FFAR4: variants seen among roughly 807,000 people sequenced by gnomAD.
FFAR4 encodes the protein free fatty acid receptor 4.
FFAR4 carries 19 observed loss-of-function variants against 27.0 expected under a neutral mutation model. The observed-to-expected ratio is 0.70, with a 90% CI of 0.49 to 1.03. The LOEUF is 1.03. Ranked by LOEUF, FFAR4 falls within the 50% of genes least tolerant of loss-of-function variation. The pLI is 0.00. For missense variants in FFAR4, 476 were observed against 479.0 expected, an observed-to-expected ratio of 0.99 and a Z score of 0.06; for synonymous variants, 254 against 215.6, an observed-to-expected ratio of 1.18 and a Z score of -1.56.
chr10:93,575,960 G>T (rs1315391993), intron 1 of FFAR4, 131 bp from the exon 2 acceptor site: 1 of 826,500 alleles, frequency 1.2e-6, no homozygotes. Context: ...GGATTCTGGG[G>T]TTCACTGTCA....
chr10:93,589,056 T>G lies in FFAR4; in HGVS notation c.*1447T>G, dbSNP rs916768366. 6 of 152,268 alleles carry G rather than the reference T, an allele frequency of 3.9e-5. No individual in the cohort carries two copies. Among genetic ancestry groups the G allele is most frequent in the Admixed American group, 2.0e-4 (3 of 15,278 alleles). The allele number at this position is 152,268 out of a possible 1,614,324, so 9.4% of individuals were successfully genotyped here. On this transcript the variant is annotated 3_prime_UTR_variant, in exon 3 of 3. Coordinates refer to ENST00000371481, the MANE Select transcript of FFAR4 (RefSeq NM_001195755.2). ...GGAAGGGACACAGAAGAGATGTTAGTGCAAGGAGGCTGACACGCTTGAAGG... is the reference window on the plus strand; with the variant it reads ...GGAAGGGACACAGAAGAGATGTTAGGGCAAGGAGGCTGACACGCTTGAAGG...
chr10:93,576,678 C>T (rs986782217), intron 2 of FFAR4, among the ~76,000 whole-genome samples: 1 of 152,112 alleles, frequency 6.6e-6, no homozygotes, highest in African/African-American at 2.4e-5. Context: ...AGATAATACT[C>T]TCTGCTCTGT....
At position 93,567,294 on chromosome 10, in the gene FFAR4, G is replaced by A. The variant is rs573284989; in HGVS notation, c.567+7G>A. 51 of 1,596,124 alleles carry A rather than the reference G, an allele frequency of 3.2e-5. No individual in the cohort carries two copies. Among genetic ancestry groups the A allele is most frequent in the African/African-American group, 4.0e-5 (3 of 74,828 alleles). ...GCTCCCCGGCGCCGACCAGGTGAGC[G>A]CCCCTCTGTGTGTGCCGGGCAGGTG... On this transcript the variant is annotated splice_region_variant and intron_variant, in intron 1 of 2. Coordinates refer to ENST00000371481, the MANE Select transcript of FFAR4 (RefSeq NM_001195755.2).
At chr10:93,577,121 T>A (rs74150270) in intron 2 of FFAR4, among the ~76,000 whole-genome samples, 3,302 of 152,292 alleles carry the variant, frequency 0.022, 124 homozygotes, top group African/African-American at 0.076. Context: ...TCAGCCTGTT[T>A]TATATCTCGT....
At chr10:93,585,417 C>T (rs973432917) in intron 2 of FFAR4, among the ~76,000 whole-genome samples, 4 of 152,244 alleles carry the variant, frequency 2.6e-5, no homozygotes, top group Non-Finnish European at 5.9e-5. Context: ...ACCAGCAGTG[C>T]TCTGACAAGC....
chr10:93,576,843 C>T (rs902152693), intron 2 of FFAR4, among the ~76,000 whole-genome samples: 2 of 152,126 alleles, frequency 1.3e-5, no homozygotes, highest in African/African-American at 4.8e-5. Flanking sequence ...CACTGCAGTA[C>T]TGGAGAATGT....
rs1412784684 is a variant in FFAR4 at position 93,587,401 on chromosome 10, A to G, written c.878A>G (p.Lys293Arg). The change falls in exon 3 of 3, where the codon AAG becomes AGG. Residue 293 changes from lysine to arginine, a missense_variant. Physicochemically the swap from Lys to Arg is conservative, Grantham distance 26 (BLOSUM62 2). Coordinates refer to ENST00000371481, the MANE Select transcript of FFAR4 (RefSeq NM_001195755.2). Reference protein sequence around the residue: ...TILLILIQNFKQDLVIWPSLF... With the variant: ...TILLILIQNFRQDLVIWPSLF... ...CTCCTCATCCTGATCCAGAACTTCA[A>G]GCAAGACCTGGTCATCTGGCCGTCC... is the stretch of plus-strand genomic sequence containing the variant. 2 of 1,613,698 alleles carry G rather than the reference A, an allele frequency of 1.2e-6. 1 individual carries two copies. The highest frequency in any genetic ancestry group is 2.2e-5 in the South Asian group (2 of 91,030).
At chr10:93,582,738 C>T (rs2058205666) in intron 2 of FFAR4, among the ~76,000 whole-genome samples, 1 of 152,092 alleles carries the variant, frequency 6.6e-6, no homozygotes, top group African/African-American at 2.4e-5. Flanking sequence ...AGTCTGTTCT[C>T]ACACTGCTTT....
chr10:93,580,753 C>T (rs922387609), intron 2 of FFAR4, among the ~76,000 whole-genome samples: 5 of 152,134 alleles, frequency 3.3e-5, no homozygotes, highest in Middle Eastern at 3.2e-3. Context: ...GAGCAGGCTT[C>T]GCCCTGGCTC....
Position 93,587,236 on chromosome 10 carries a change from G to C in FFAR4, c.713G>C (p.Arg238Thr), listed in dbSNP as rs1373469719. ...SKILQITKAS[R>T]KRLTVSLAYS... ...TTTCCACAGATCACAAAGGCATCAAGGAAGAGGCTCACGGTAAGCCTGGCC... is the reference window on the plus strand; with the variant it reads ...TTTCCACAGATCACAAAGGCATCAACGAAGAGGCTCACGGTAAGCCTGGCC... The change falls in exon 3 of 3, where the codon AGG (arginine) becomes ACG (threonine). Residue 238 changes from arginine (R) to threonine (T), a missense_variant. By Grantham distance (71) the Arg-to-Thr change is moderately conservative (BLOSUM62 -1). Transcript: ENST00000371481. 6.2e-7 allele frequency: 1 copy of C among 1,613,530 alleles called. No individual in the cohort carries two copies.
chr10:93,567,427 A>C (rs950350220), intron 1 of FFAR4, 140 bp downstream of exon 1: 3 of 750,788 alleles, frequency 4.0e-6, no homozygotes, highest in Admixed American at 2.8e-5. Flanking sequence ...TCTTGTGCCC[A>C]TGGCTGTGAA....
At chr10:93,577,299 T>C (rs2058169675) in intron 2 of FFAR4, among the ~76,000 whole-genome samples, 1 of 152,244 alleles carries the variant, frequency 6.6e-6, no homozygotes, top group African/African-American at 2.4e-5. Context: ...ATCTGGCAAG[T>C]AGGCACTTGA....
intron 1 of FFAR4, among the ~76,000 whole-genome samples, chr10:93,568,129 G>A (rs2058110462): frequency 6.6e-6 from 1 of 152,134 alleles, no homozygotes; most frequent in Admixed American, 6.5e-5. Flanking sequence ...CCGCGGTCCG[G>A]AATCCCGAGC....
rs573284989 is a variant in FFAR4, at chr10:93,567,294, G to C, written c.567+7G>C. On this transcript the variant is annotated splice_region_variant and intron_variant, in intron 1 of 2. Transcript: ENST00000371481. ...GCTCCCCGGCGCCGACCAGGTGAGC[G>C]CCCCTCTGTGTGTGCCGGGCAGGTG... 4 of 1,596,242 alleles carry C rather than the reference G, an allele frequency of 2.5e-6. No individual in the cohort carries two copies. The highest frequency in any genetic ancestry group is 2.7e-5 in the African/African-American group (2 of 74,950).
chr10:93,568,527 G>A (rs2058113462), intron 1 of FFAR4, among the ~76,000 whole-genome samples: 1 of 152,180 alleles, frequency 6.6e-6, no homozygotes. Flanking sequence ...AGTGGTCAGA[G>A]AGGGGAGTAG....
intron 1 of FFAR4, among the ~76,000 whole-genome samples, chr10:93,571,043 C>T (rs2058128963): frequency 6.6e-6 from 1 of 152,188 alleles, no homozygotes; most frequent in Non-Finnish European, 1.5e-5. Flanking sequence ...TATTAGTTTC[C>T]TTATCTTTGA....
At chr10:93,572,580 G>A (rs2058138192) in intron 1 of FFAR4, among the ~76,000 whole-genome samples, 1 of 152,302 alleles carries the variant, frequency 6.6e-6, no homozygotes, top group South Asian at 2.1e-4. Flanking sequence ...GCAATAGGTG[G>A]ATAAGTCAAT....
At chr10:93,585,519 C>T (rs2058221932) in intron 2 of FFAR4, among the ~76,000 whole-genome samples, 1 of 152,156 alleles carries the variant, frequency 6.6e-6, no homozygotes. Context: ...TTTACAATGT[C>T]AATCTCATAG....
intron 2 of FFAR4, among the ~76,000 whole-genome samples, chr10:93,580,919 C>A (rs1429325117): frequency 2.0e-5 from 3 of 152,232 alleles, no homozygotes; most frequent in Non-Finnish European, 4.4e-5. Flanking sequence ...AAGGGAATAA[C>A]CTCCCAGCGA....
Sources: gnomAD v4.1 joint callset for allele counts (sites outside exome capture counted in the v4.1 genomes callset) on GRCh38, gnomAD v4.1.1 for gene constraint, MANE v1.5 for transcripts, NCBI Gene and HGNC (gene_info 2026-07-23, HGNC 2026-07-21) for gene names.